TANC1: variants seen among roughly 807,000 people sequenced by gnomAD.
TANC1 encodes the protein tetratricopeptide repeat, ankyrin repeat and coiled-coil containing 1, also known as protein TANC1.
Under a neutral mutation model 149.7 loss-of-function variants are expected in TANC1, and 77 were observed. The ratio of observed to expected loss-of-function variants is 0.51; its 90% CI spans 0.43 to 0.62. The LOEUF is 0.62. Ranked by LOEUF, TANC1 falls within the 20% of genes least tolerant of loss-of-function variation. The pLI, the probability that TANC1 is intolerant of heterozygous loss-of-function variation, is 0.00. For missense variants in TANC1, 1,985 were observed against 2,321.8 expected (o/e 0.85, Z 2.98); for synonymous variants, 854 against 925.0 (o/e 0.92, Z 1.39).
At position 159,136,218 on chromosome 2, in the gene TANC1, T is replaced by C. The variant is rs2050732020; in HGVS notation, c.284T>C (p.Val95Ala). ...SPGPVRKPKY[V>A]ESPRVPGDAV... ...GGTCCCGTCAGGAAGCCCAAGTATG[T>C]GGAAAGCCCCAGAGTGCCTGGAGAT... Residue 95 changes from valine (V) to alanine (A), a missense_variant, in exon 5 of 27, where the codon GTG becomes GCG. Transcript: ENST00000263635. 1 of 1,612,718 alleles carries C rather than the reference T, an allele frequency of 6.2e-7. No individual in the cohort carries two copies.
chr2:159,210,576 GT>G (rs941347835), intron 19 of TANC1, among the ~76,000 whole-genome samples: 2 of 150,410 alleles, frequency 1.3e-5, no homozygotes, highest in African/African-American at 2.4e-5. Context: ...TTTGTTTTTT[GT>G]TTTTTTTTGA....
intron 2 of TANC1, among the ~76,000 whole-genome samples, chr2:159,011,769 T>A (rs147362901): frequency 3.9e-5 from 6 of 152,218 alleles, no homozygotes; most frequent in African/African-American, 1.4e-4. Context: ...AAAAAATGAT[T>A]TTTATATGTG....
At chr2:159,107,978 A>T (rs367974221) in intron 4 of TANC1, among the ~76,000 whole-genome samples, 1 of 152,218 alleles carries the variant, frequency 6.6e-6, no homozygotes, top group Non-Finnish European at 1.5e-5. Flanking sequence ...ACAGGATCCA[A>T]TTGTATCTTC....
intron 8 of TANC1, 65 bp downstream of exon 8, chr2:159,163,611 C>T: frequency 6.5e-7 from 1 of 1,549,270 alleles, no homozygotes; most frequent in Non-Finnish European, 8.8e-7. Flanking sequence ...TGTTCACTGT[C>T]TTCACATGGG....
chr2:159,169,153 C>A (rs1226642777), intron 8 of TANC1, 97 bp from the exon 9 acceptor site: 5 of 913,718 alleles, frequency 5.5e-6, no homozygotes, highest in East Asian at 5.4e-5. Flanking sequence ...TGTTGAAAGC[C>A]TGAACTGAAT....
intron 19 of TANC1, among the ~76,000 whole-genome samples, chr2:159,203,161 T>G (rs571396370): frequency 6.6e-6 from 1 of 152,238 alleles, no homozygotes; most frequent in South Asian, 2.1e-4. Context: ...TCCAGTTCCC[T>G]TCGTAGGACT....
At chr2:159,216,515 C>T (rs576022440) in intron 19 of TANC1, among the ~76,000 whole-genome samples, 1 of 152,282 alleles carries the variant, frequency 6.6e-6, no homozygotes, top group African/African-American at 2.4e-5. Context: ...CCGTCCTCCT[C>T]TCTAGACAAT....
intron 1 of TANC1, among the ~76,000 whole-genome samples, chr2:158,993,653 T>C (rs2035882696): frequency 6.6e-6 from 1 of 152,232 alleles, no homozygotes; most frequent in Non-Finnish European, 1.5e-5. Context: ...GTTAAATTTT[T>C]TAAAAGTTAA....
chr2:159,231,945 CAT>C lies in TANC1; in HGVS notation c.*934_*935del, dbSNP rs1030062789. On this transcript the variant is annotated 3_prime_UTR_variant, in exon 27 of 27. Transcript: ENST00000263635. ...TTGTACAATTAGTACTTTATAGTCA[CAT>C]GTTGTATATATTAAATAGCCCAGTT... 1 of 152,486 alleles carries C rather than the reference CAT, an allele frequency of 6.6e-6. No homozygotes were observed. The highest frequency in any genetic ancestry group is 6.5e-5 in the Admixed American group (1 of 15,272). The allele number at this position is 152,486 out of a possible 1,614,324, so 9.4% of individuals were successfully genotyped here.
chr2:159,136,788 CAAAA>C (rs34488237), intron 5 of TANC1, among the ~76,000 whole-genome samples: 9 of 119,094 alleles, frequency 7.6e-5, no homozygotes, highest in Admixed American at 1.7e-4. Flanking sequence ...GAAGTAGGAG[CAAAA>C]AAAAAAAAAA....
intron 7 of TANC1, among the ~76,000 whole-genome samples, chr2:159,162,929 A>T (rs2054187698): frequency 6.6e-6 from 1 of 152,244 alleles, no homozygotes; most frequent in South Asian, 2.1e-4. Context: ...AAAGGAATTT[A>T]ATGAGAAATG....
intron 4 of TANC1, among the ~76,000 whole-genome samples, chr2:159,111,716 C>T (rs1192837150): frequency 1.3e-5 from 2 of 152,148 alleles, no homozygotes; most frequent in Non-Finnish European, 2.9e-5. Context: ...TTAGAGTGCA[C>T]ACAATGGAAT....
At position 159,048,952 on chromosome 2, in the gene TANC1, T is replaced by C. The variant is rs76358328; in HGVS notation, c.-15-16944T>C. Among the ~76,000 whole-genome samples the C allele has an allele frequency of 2.8e-3, 433 of 152,284 alleles. 5 individuals carry two copies. The highest frequency in any genetic ancestry group is 9.9e-3 in the African/African-American group (412 of 41,560). On this transcript the variant is annotated intron_variant, in intron 2 of 26. Transcript: ENST00000263635. ...GGCCCTCTTTATTCTGTTAAATTGC[T>C]CTTGGGAGCATGGATGGACTTTTGT...
intron 19 of TANC1, among the ~76,000 whole-genome samples, chr2:159,212,474 C>A (rs2059053709): frequency 6.6e-6 from 1 of 152,196 alleles, no homozygotes; most frequent in Non-Finnish European, 1.5e-5. Context: ...CACTTCATCC[C>A]TACCCTTCAC....
intron 2 of TANC1, among the ~76,000 whole-genome samples, chr2:159,017,374 CAGCATTTGTGCCAAAA>C (rs1412788508): frequency 1.3e-5 from 2 of 152,162 alleles, no homozygotes; most frequent in African/African-American, 4.8e-5. Context: ...TTATGCCAAA[CAGCATTTGTGCCAAAA>C]AGACATCAGT....
At chr2:159,097,947 A>G (rs182871521) in intron 4 of TANC1, 113 bp downstream of exon 4, 1 of 886,700 alleles carries the variant, frequency 1.1e-6, no homozygotes. Flanking sequence ...TCTTTGTCGC[A>G]GTATCTTCTA....
At chr2:158,977,404 G>T (rs2033817734) in intron 1 of TANC1, among the ~76,000 whole-genome samples, 2 of 152,010 alleles carry the variant, frequency 1.3e-5, no homozygotes, top group African/African-American at 4.8e-5. Context: ...TCTGCCTCCT[G>T]GGTTCGAGTG....
Position 159,231,278 on chromosome 2 carries a change from G to C in TANC1, c.*266G>C. ...GAAGACATTAATGACTCTCACTTAT[G>C]AAATTGTTTGGCTTTTGCCACTTTC... is the stretch of plus-strand genomic sequence containing the variant. On this transcript the variant is annotated 3_prime_UTR_variant, in exon 27 of 27. Transcript: ENST00000263635. The C allele has an allele frequency of 3.1e-6, 1 of 324,130 alleles. No homozygotes were observed. The allele number at this position is 324,130 out of a possible 1,614,324, so 20.1% of individuals were successfully genotyped here.
intron 1 of TANC1, among the ~76,000 whole-genome samples, chr2:158,999,187 G>T (rs985933194): frequency 6.6e-6 from 1 of 152,148 alleles, no homozygotes; most frequent in Non-Finnish European, 1.5e-5. Context: ...GTGATGTAAT[G>T]GTGTGCACAA....
Sources: gnomAD v4.1 joint callset for allele counts (sites outside exome capture counted in the v4.1 genomes callset) on GRCh38, gnomAD v4.1.1 for gene constraint, MANE v1.5 for transcripts, NCBI Gene and HGNC (gene_info 2026-07-23, HGNC 2026-07-21) for gene names.